RPTOR: variants seen among roughly 807,000 people sequenced by gnomAD.
RPTOR encodes regulatory-associated protein of mTOR.
RPTOR carries 21 observed loss-of-function variants against 169.9 expected under a neutral mutation model. That is an observed-to-expected ratio of 0.12 (90% confidence interval 0.09 to 0.18). The LOEUF (loss-of-function observed/expected upper bound fraction) is 0.18, where lower values mean the gene tolerates loss of function less well. Ranked by LOEUF, RPTOR falls within the 10% of genes least tolerant of loss-of-function variation. The pLI is 1.00. For missense variants in RPTOR, 1,133 were observed against 1,855.9 expected (o/e 0.61, Z 7.16); for synonymous variants, 732 against 753.2 (o/e 0.97, Z 0.46).
At chr17:80,906,715 A>C (rs1398876970) in intron 20 of RPTOR, among the ~76,000 whole-genome samples, 1 of 152,178 alleles carries the variant, frequency 6.6e-6, no homozygotes, top group African/African-American at 2.4e-5. Flanking sequence ...TCACGCCAGC[A>C]CAGGCAGCAC....
At chr17:80,907,216 G>T (rs1370438038) in intron 20 of RPTOR, among the ~76,000 whole-genome samples, 1 of 152,236 alleles carries the variant, frequency 6.6e-6, no homozygotes. Flanking sequence ...CACCTCACTC[G>T]AAACCCTTTG....
At chr17:80,798,063 TTG>T (rs749064642) in intron 7 of RPTOR, among the ~76,000 whole-genome samples, 6 of 152,250 alleles carry the variant, frequency 3.9e-5, no homozygotes, top group Non-Finnish European at 7.3e-5. Flanking sequence ...TGTGATGTTC[TTG>T]TGTGTCCCTT....
chr17:80,931,322 C>T (rs766500982), intron 24 of RPTOR, among the ~76,000 whole-genome samples: 11 of 152,162 alleles, frequency 7.2e-5, no homozygotes, highest in African/African-American at 1.9e-4. Flanking sequence ...CAAGGAGAGC[C>T]GGACCATGAG....
chr17:80,917,430 T>C (rs1431936941), intron 21 of RPTOR, among the ~76,000 whole-genome samples: 2 of 152,172 alleles, frequency 1.3e-5, no homozygotes, highest in Non-Finnish European at 2.9e-5. Context: ...ACATTTCTTT[T>C]AAAATCACAT....
At chr17:80,898,638 C>G (rs1167642221) in intron 20 of RPTOR, among the ~76,000 whole-genome samples, 1 of 117,820 alleles carries the variant, frequency 8.5e-6, no homozygotes, top group Non-Finnish European at 1.8e-5. Context: ...TGCCCCGGCT[C>G]CCCCAACCCC....
chr17:80,876,820 T>G (rs555057992), intron 13 of RPTOR, among the ~76,000 whole-genome samples: 5 of 126,416 alleles, frequency 4.0e-5, no homozygotes, highest in Admixed American at 3.9e-4. Flanking sequence ...GTGTGTCGCC[T>G]GCCGGGTCTT....
chr17:80,789,714 A>G (rs1031407184), intron 6 of RPTOR, among the ~76,000 whole-genome samples: 8 of 152,198 alleles, frequency 5.3e-5, no homozygotes, highest in African/African-American at 1.9e-4. Context: ...GTGAGTGAGG[A>G]GCACCCTTGG....
At chr17:80,584,568 C>T (rs1266279418) in intron 1 of RPTOR, among the ~76,000 whole-genome samples, 2 of 151,978 alleles carry the variant, frequency 1.3e-5, no homozygotes, top group Non-Finnish European at 2.9e-5. Flanking sequence ...TGTGTTACTC[C>T]GTTTACCATG....
chr17:80,692,748 C>T (rs1567860602), intron 3 of RPTOR, among the ~76,000 whole-genome samples: 1 of 152,248 alleles, frequency 6.6e-6, no homozygotes, highest in South Asian at 2.1e-4. Flanking sequence ...TAGGCATGAG[C>T]CACTGTGCCT....
intron 25 of RPTOR, among the ~76,000 whole-genome samples, chr17:80,943,182 G>C (rs1345711476): frequency 6.6e-6 from 1 of 152,248 alleles, no homozygotes; most frequent in Admixed American, 6.5e-5. Context: ...GACAGTGCCA[G>C]GCACAAGCGG....
intron 13 of RPTOR, among the ~76,000 whole-genome samples, chr17:80,863,682 A>G (rs1205482374): frequency 6.6e-6 from 1 of 152,230 alleles, no homozygotes; most frequent in Non-Finnish European, 1.5e-5. Flanking sequence ...TTGGAGGCTG[A>G]GGCAGACAGA....
chr17:80,636,420 G>C (rs1034451941), intron 2 of RPTOR, among the ~76,000 whole-genome samples: 1 of 152,068 alleles, frequency 6.6e-6, no homozygotes, highest in Admixed American at 6.5e-5. Context: ...TGTATTTCAC[G>C]CAGTTCTGGA....
intron 3 of RPTOR, among the ~76,000 whole-genome samples, chr17:80,701,221 GTC>G (rs1395255786): frequency 6.6e-6 from 1 of 152,182 alleles, no homozygotes; most frequent in Non-Finnish European, 1.5e-5. Flanking sequence ...ATGCTGTGAA[GTC>G]TCTGTGTCCT....
At chr17:80,812,991 T>A (rs1005707430) in intron 7 of RPTOR, among the ~76,000 whole-genome samples, 1 of 152,240 alleles carries the variant, frequency 6.6e-6, no homozygotes, top group Non-Finnish European at 1.5e-5. Flanking sequence ...GTGGCTCTCT[T>A]GTTCCCGTTC....
chr17:80,654,814 A>G (rs1178389847), intron 3 of RPTOR, among the ~76,000 whole-genome samples: 3 of 152,260 alleles, frequency 2.0e-5, no homozygotes, highest in Non-Finnish European at 4.4e-5. Flanking sequence ...GATTTGAGGA[A>G]ATCAAGAGTC....
At position 80,966,238 on chromosome 17, in the gene RPTOR, A is replaced by G. The variant is rs2069430694; in HGVS notation, c.*1908A>G. 8.6e-6 allele frequency: 2 copies of G among 231,554 alleles called. No homozygotes were observed. The highest frequency in any genetic ancestry group is 3.6e-4 in the South Asian group (2 of 5,520). The allele number at this position is 231,554 out of a possible 1,614,324, so 14.3% of individuals were successfully genotyped here. ...CAATCACGACGTTAACCGGCTCGAG[A>G]GAGCGCCGGCCTAGAGGCTCATTAT... On this transcript the variant is annotated 3_prime_UTR_variant, in exon 34 of 34. Coordinates refer to ENST00000306801, the MANE Select transcript of RPTOR (RefSeq NM_020761.3).
At chr17:80,903,227 G>A (rs1026087753) in intron 20 of RPTOR, among the ~76,000 whole-genome samples, 7 of 152,222 alleles carry the variant, frequency 4.6e-5, no homozygotes, top group South Asian at 2.1e-4. Context: ...CCTGGCCAGC[G>A]GCAGAGCCAG....
intron 24 of RPTOR, among the ~76,000 whole-genome samples, chr17:80,930,742 C>T (rs187277585): frequency 5.9e-5 from 9 of 152,344 alleles, no homozygotes; most frequent in Admixed American, 2.6e-4. Context: ...AAGTGGGAGA[C>T]GTAGCTTCTC....
chr17:80,831,114 ATG>A (rs2067499143), intron 9 of RPTOR, among the ~76,000 whole-genome samples: 2 of 152,082 alleles, frequency 1.3e-5, no homozygotes, highest in African/African-American at 2.4e-5. Context: ...TGTTGTTCCG[ATG>A]TGTGTTTTCC....
Sources: allele counts gnomAD v4.1 joint callset (sites outside exome capture counted in the v4.1 genomes callset), GRCh38; gene constraint gnomAD v4.1.1; transcripts MANE v1.5; gene names NCBI Gene and HGNC (gene_info 2026-07-23, HGNC 2026-07-21).